PRKAR2B: variants seen among roughly 807,000 people sequenced by gnomAD.
PRKAR2B encodes the protein protein kinase cAMP-dependent type II regulatory subunit beta, also known as cAMP-dependent protein kinase type II-beta regulatory subunit.
PRKAR2B carries 14 observed loss-of-function variants against 49.9 expected under a neutral mutation model. That is an observed-to-expected ratio of 0.28 (90% CI 0.19 to 0.44). The LOEUF is 0.44. PRKAR2B is among the 20% of genes least tolerant of loss of function. The pLI, the probability that PRKAR2B is intolerant of heterozygous loss-of-function variation, is 1.00. For missense variants in PRKAR2B, 393 were observed against 537.9 expected, an observed-to-expected ratio of 0.73 and a Z score of 2.67; for synonymous variants, 196 against 197.7, an observed-to-expected ratio of 0.99 and a Z score of 0.07.
At chr7:107,131,090 A>G (rs1420633942) in intron 4 of PRKAR2B, among the ~76,000 whole-genome samples, 2 of 152,212 alleles carry the variant, frequency 1.3e-5, no homozygotes, top group Non-Finnish European at 2.9e-5. Context: ...TTTGAATACC[A>G]AAGACTAGAG....
intron 2 of PRKAR2B, among the ~76,000 whole-genome samples, chr7:107,116,967 A>G (rs890835648): frequency 2.0e-5 from 3 of 148,476 alleles, no homozygotes; most frequent in Non-Finnish European, 1.5e-5. Flanking sequence ...ATATATATAT[A>G]TATGTGTATA....
chr7:107,076,477 A>G (rs934285861), intron 2 of PRKAR2B, among the ~76,000 whole-genome samples: 4 of 152,164 alleles, frequency 2.6e-5, no homozygotes, highest in African/African-American at 7.2e-5. Flanking sequence ...ATTCCTAACC[A>G]TAAGACAGTT....
intron 5 of PRKAR2B, among the ~76,000 whole-genome samples, chr7:107,143,586 G>A (rs1382063501): frequency 3.3e-5 from 5 of 152,154 alleles, no homozygotes; most frequent in African/African-American, 9.7e-5. Flanking sequence ...TTACTGTTAA[G>A]TACTTATGTG....
intron 3 of PRKAR2B, among the ~76,000 whole-genome samples, chr7:107,127,465 AC>A (rs1795518569): frequency 6.6e-6 from 1 of 151,116 alleles, no homozygotes; most frequent in South Asian, 2.1e-4. Context: ...AGCAAGCCAC[AC>A]TTACACACAC....
chr7:107,103,237 A>T (rs185603583), intron 2 of PRKAR2B, among the ~76,000 whole-genome samples: 3 of 152,312 alleles, frequency 2.0e-5, no homozygotes, highest in Admixed American at 2.0e-4. Context: ...AATAGGAAAA[A>T]ATTTCATTAA....
At chr7:107,057,386 A>G (rs150403955) in intron 1 of PRKAR2B, among the ~76,000 whole-genome samples, 11 of 151,338 alleles carry the variant, frequency 7.3e-5, no homozygotes, top group African/African-American at 1.9e-4. Context: ...CCACTCCACT[A>G]ATTTTCATAA....
chr7:107,060,206 T>C (rs999946776), intron 1 of PRKAR2B, among the ~76,000 whole-genome samples: 2 of 152,154 alleles, frequency 1.3e-5, no homozygotes, highest in Admixed American at 1.3e-4. Context: ...TATAGAGATT[T>C]TGAGATCGAA....
At chr7:107,130,545 G>T (rs1380973081) in intron 4 of PRKAR2B, among the ~76,000 whole-genome samples, 2 of 151,948 alleles carry the variant, frequency 1.3e-5, no homozygotes, top group Non-Finnish European at 2.9e-5. Flanking sequence ...AAAAAGTTAT[G>T]CCAAACCCTT....
intron 1 of PRKAR2B, among the ~76,000 whole-genome samples, chr7:107,046,885 G>C (rs1463089755): frequency 6.6e-6 from 1 of 151,930 alleles, no homozygotes; most frequent in Non-Finnish European, 1.5e-5. Flanking sequence ...AAAATATTTT[G>C]TTTGTATAAT....
chr7:107,122,625 C>A (rs996488890), intron 3 of PRKAR2B, among the ~76,000 whole-genome samples: 1 of 152,178 alleles, frequency 6.6e-6, no homozygotes, highest in Non-Finnish European at 1.5e-5. Flanking sequence ...CACCCTCCCC[C>A]CCTTTTTTTG....
At chr7:107,055,499 G>A (rs1007646765) in intron 1 of PRKAR2B, among the ~76,000 whole-genome samples, 34 of 152,094 alleles carry the variant, frequency 2.2e-4, no homozygotes, top group African/African-American at 7.0e-4. Flanking sequence ...TTTAATGATC[G>A]CCATTCTAAC....
intron 1 of PRKAR2B, among the ~76,000 whole-genome samples, chr7:107,057,249 G>A (rs1793934223): frequency 6.6e-6 from 1 of 151,946 alleles, no homozygotes; most frequent in South Asian, 2.1e-4. Flanking sequence ...ATATCCACCC[G>A]CTTACCAAAT....
chr7:107,101,251 C>T (rs1794960810), intron 2 of PRKAR2B, among the ~76,000 whole-genome samples: 1 of 149,720 alleles, frequency 6.7e-6, no homozygotes, highest in Non-Finnish European at 1.5e-5. Context: ...TTATTTTTAA[C>T]CCTGGCCTCT....
chr7:107,050,333 C>CTTTTTTTTTTTTTT (rs57752789), intron 1 of PRKAR2B, among the ~76,000 whole-genome samples: 1 of 68,582 alleles, frequency 1.5e-5, no homozygotes, highest in African/African-American at 7.2e-5. Context: ...CAGTTACCAG[C>CTTTTTTTTTTTTTT]TTTTTTTTTT....
chr7:107,115,835 T>C (rs1462093666), intron 2 of PRKAR2B, among the ~76,000 whole-genome samples: 1 of 152,180 alleles, frequency 6.6e-6, no homozygotes, highest in African/African-American at 2.4e-5. Context: ...ATATAACTTG[T>C]CTAATGCAAT....
intron 1 of PRKAR2B, among the ~76,000 whole-genome samples, chr7:107,060,023 T>C (rs1419793650): frequency 6.7e-6 from 1 of 148,978 alleles, no homozygotes; most frequent in African/African-American, 2.5e-5. Flanking sequence ...AAAGTCATTC[T>C]AAATTTTACT....
chr7:107,114,430 C>T (rs1282223868), intron 2 of PRKAR2B, among the ~76,000 whole-genome samples: 4 of 150,802 alleles, frequency 2.7e-5, no homozygotes, highest in Non-Finnish European at 5.9e-5. Context: ...GGCACCATCT[C>T]GGCTCACTGC....
intron 1 of PRKAR2B, among the ~76,000 whole-genome samples, chr7:107,053,737 A>G (rs559266831): frequency 7.9e-5 from 12 of 152,260 alleles, no homozygotes; most frequent in Admixed American, 5.2e-4. Context: ...TTGAATTCCA[A>G]TTGTATAGTG....
chr7:107,060,991 AT>A (rs1427857682), intron 1 of PRKAR2B, among the ~76,000 whole-genome samples: 6 of 152,088 alleles, frequency 3.9e-5, no homozygotes, highest in Admixed American at 1.3e-4. Context: ...GTATTGACTC[AT>A]TTTTTCCCCC....
Sources: gnomAD v4.1 joint callset for allele counts (sites outside exome capture counted in the v4.1 genomes callset) on GRCh38, gnomAD v4.1.1 for gene constraint, MANE v1.5 for transcripts, NCBI Gene and HGNC (gene_info 2026-07-23, HGNC 2026-07-21) for gene names.